The following RALGPS2 variants were observed in gnomAD, a reference collection of about 807,000 sequenced individuals.
RALGPS2 encodes ras-specific guanine nucleotide-releasing factor RalGPS2.
In RALGPS2, 43 loss-of-function variants were observed where a neutral mutation model predicts 86.8. That is an observed-to-expected ratio of 0.50 (90% CI 0.39 to 0.64). The LOEUF is 0.64. RALGPS2 is among the 30% of genes least tolerant of loss of function. RALGPS2 has a pLI of 0.00. For synonymous variants in RALGPS2, 243 were observed against 231.3 expected (o/e 1.05, Z -0.46); for missense variants, 536 against 694.6 (o/e 0.77, Z 2.57).
intron 1 of RALGPS2, among the ~76,000 whole-genome samples, chr1:178,748,381 T>C (rs1242457052): frequency 1.3e-5 from 2 of 151,690 alleles, no homozygotes; most frequent in African/African-American, 4.8e-5. Flanking sequence ...AGGTATCTAC[T>C]GAAAGGACTT....
chr1:178,755,331 C>G (rs1651896077), intron 1 of RALGPS2, among the ~76,000 whole-genome samples: 1 of 152,070 alleles, frequency 6.6e-6, no homozygotes, highest in African/African-American at 2.4e-5. Context: ...TTCAACCCTT[C>G]CCCCTTTCCC....
intron 6 of RALGPS2, among the ~76,000 whole-genome samples, chr1:178,818,416 G>A (rs1655337666): frequency 6.6e-6 from 1 of 152,154 alleles, no homozygotes; most frequent in Non-Finnish European, 1.5e-5. Context: ...AATTGAGGTG[G>A]ATAGGGTTGA....
At chr1:178,879,950 T>C (rs937388358) in intron 10 of RALGPS2, among the ~76,000 whole-genome samples, 23 of 152,100 alleles carry the variant, frequency 1.5e-4, no homozygotes, top group Admixed American at 3.9e-4. Flanking sequence ...TCAAAACTGC[T>C]GGGTTTTTTT....
intron 6 of RALGPS2, among the ~76,000 whole-genome samples, chr1:178,820,029 A>G (rs1655422349): frequency 6.6e-6 from 1 of 152,228 alleles, no homozygotes; most frequent in Non-Finnish European, 1.5e-5. Flanking sequence ...CATCTGTGGT[A>G]TGCTCATCAC....
chr1:178,824,596 C>T (rs1038696680), intron 7 of RALGPS2, among the ~76,000 whole-genome samples: 2 of 152,056 alleles, frequency 1.3e-5, no homozygotes, highest in South Asian at 2.1e-4. Context: ...ATCACAAGGT[C>T]AGGAGATCCA....
At chr1:178,901,986 A>G in intron 17 of RALGPS2, 120 bp from the exon 18 acceptor site, 1 of 700,178 alleles carries the variant, frequency 1.4e-6, no homozygotes, top group South Asian at 1.8e-5. Flanking sequence ...TGAGACCAGC[A>G]TGAAGTCACA....
rs1208763199 is a variant in RALGPS2 at position 178,921,346 on chromosome 1, TC to T, written c.*4991del. 3 of 152,000 alleles carry T rather than the reference TC, an allele frequency of 2.0e-5. No homozygotes were observed. The East Asian group carries it at 5.8e-4, about 29-fold the overall frequency. 9.4% of individuals were successfully genotyped at this position (152,000 alleles called of 1,614,324 possible). ...TAGATACCAGATAACAAATATTGTT[TC>T]CCCTGAAGATATGACCTACTAGAAC... On this transcript the variant is annotated 3_prime_UTR_variant, in exon 20 of 20. Transcript: ENST00000367635.
intron 16 of RALGPS2, among the ~76,000 whole-genome samples, chr1:178,896,601 G>A (rs1297591076): frequency 2.7e-5 from 4 of 149,222 alleles, no homozygotes; most frequent in Admixed American, 6.7e-5. Flanking sequence ...TATATCTCCC[G>A]ATGCTATCCC....
At chr1:178,769,690 C>A (rs746569816) in intron 1 of RALGPS2, among the ~76,000 whole-genome samples, 3 of 152,170 alleles carry the variant, frequency 2.0e-5, no homozygotes, top group Non-Finnish European at 4.4e-5. Flanking sequence ...ATGAAGCTGG[C>A]CCTGGCTGCA....
intron 2 of RALGPS2, among the ~76,000 whole-genome samples, chr1:178,781,132 A>G (rs1653374272): frequency 6.6e-6 from 1 of 152,142 alleles, no homozygotes; most frequent in African/African-American, 2.4e-5. Flanking sequence ...CACTTGTACA[A>G]ACAATTCTGT....
chr1:178,725,689 C>T lies in RALGPS2; in HGVS notation c.-84+270C>T, dbSNP rs146021518. The T allele has an allele frequency of 4.5e-3, 679 of 152,114 alleles. 5 individuals carry two copies. The highest frequency in any genetic ancestry group is 0.01 in the Middle Eastern group (3 of 290). 9.4% of individuals were successfully genotyped at this position (152,114 alleles called of 1,614,324 possible). Reference sequence around the variant, plus strand: ...GCCGTGGGGTCCCCGCTCGGGGGCGCCGTCCTGAAGCCGGGGGCGCTGCGA... The same window carrying T: ...GCCGTGGGGTCCCCGCTCGGGGGCGTCGTCCTGAAGCCGGGGGCGCTGCGA... On this transcript the variant is annotated intron_variant, in intron 1 of 19. Coordinates refer to ENST00000367635, the MANE Select transcript of RALGPS2 (RefSeq NM_152663.5).
chr1:178,912,282 A>C (rs934518788), intron 19 of RALGPS2, among the ~76,000 whole-genome samples: 1 of 152,164 alleles, frequency 6.6e-6, no homozygotes, highest in Non-Finnish European at 1.5e-5. Flanking sequence ...TTATAGTGTC[A>C]GTGGACTATA....
chr1:178,862,633 G>A lies in RALGPS2; in HGVS notation c.608-14865G>A, dbSNP rs578154091. Among the ~76,000 whole-genome samples the A allele has an allele frequency of 7.5e-3, 933 of 124,874 alleles. 8 individuals are homozygous for A. Among genetic ancestry groups the A allele is most frequent in the African/African-American group, 0.027 (857 of 31,768 alleles). 81.9% of individuals were successfully genotyped at this position (124,874 alleles called of 152,430 possible). A position where few individuals can be genotyped will look rare whatever the true frequency, so the allele number is the denominator to read the frequency against. On this transcript the variant is annotated intron_variant, in intron 8 of 19. Coordinates refer to ENST00000367635, the MANE Select transcript of RALGPS2 (RefSeq NM_152663.5). Reference sequence around the variant, plus strand: ...TATTTATTTATTTATTTATTTATTTGGTTGGTTGGTTGGTTGGTTTGGCTT... The same window carrying A: ...TATTTATTTATTTATTTATTTATTTAGTTGGTTGGTTGGTTGGTTTGGCTT...
chr1:178,797,705 C>A (rs971401943), intron 4 of RALGPS2, among the ~76,000 whole-genome samples: 1 of 152,082 alleles, frequency 6.6e-6, no homozygotes, highest in African/African-American at 2.4e-5. Flanking sequence ...TTTTATAATA[C>A]GTGTCTGTAT....
intron 18 of RALGPS2, among the ~76,000 whole-genome samples, chr1:178,905,946 TA>T (rs1660371576): frequency 6.6e-6 from 1 of 152,316 alleles, no homozygotes; most frequent in South Asian, 2.1e-4. Flanking sequence ...TATTGACAAA[TA>T]TCTTGTAACT....
chr1:178,847,161 A>C (rs1403095223), intron 8 of RALGPS2, among the ~76,000 whole-genome samples: 1 of 152,224 alleles, frequency 6.6e-6, no homozygotes, highest in African/African-American at 2.4e-5. Context: ...AAAACTAAAA[A>C]GTGGCCGGGC....
At chr1:178,867,848 A>G (rs1572429786) in intron 8 of RALGPS2, among the ~76,000 whole-genome samples, 1 of 151,800 alleles carries the variant, frequency 6.6e-6, no homozygotes, top group Non-Finnish European at 1.5e-5. Context: ...TCAATGAAAT[A>G]TAACTCTTAT....
rs770032601 is a variant in RALGPS2 at position 178,804,088 on chromosome 1, CTAATT to C, written c.214-3948_214-3944del. 1.7e-3 allele frequency among the ~76,000 whole-genome samples: 204 copies of C among 121,418 alleles called. 3 individuals are homozygous for C. The East Asian group carries it at 0.042, about 25-fold the overall frequency. The allele number at this position is 121,418 out of a possible 152,430, so 79.7% of individuals were successfully genotyped here. A position where few individuals can be genotyped will look rare whatever the true frequency, so the allele number is the denominator to read the frequency against. On this transcript the variant is annotated intron_variant, in intron 4 of 19. Coordinates refer to ENST00000367635, the MANE Select transcript of RALGPS2 (RefSeq NM_152663.5). The stretch of plus-strand genomic sequence containing the variant: ...CTATTCCTTTTTTTTTTTTTGGTTT[CTAATT>C]TAATTTAAGATTTTATTGAAGTTTT...
chr1:178,846,963 A>G (rs115376947), intron 8 of RALGPS2, among the ~76,000 whole-genome samples: 1 of 152,374 alleles, frequency 6.6e-6, no homozygotes, highest in Non-Finnish European at 1.5e-5. Context: ...AGGTGAAGAA[A>G]CTGAGACAAA....
Sources: allele counts gnomAD v4.1 joint callset (sites outside exome capture counted in the v4.1 genomes callset), GRCh38; gene constraint gnomAD v4.1.1; transcripts MANE v1.5; gene names NCBI Gene and HGNC (gene_info 2026-07-23, HGNC 2026-07-21).